ATP8B4: variants seen among roughly 807,000 people sequenced by gnomAD.
ATP8B4 encodes probable phospholipid-transporting ATPase IM.
A neutral mutation model predicts 145.6 loss-of-function variants in ATP8B4; 133 were observed. The observed-to-expected ratio is 0.91, with a 90% CI of 0.79 to 1.05. The LOEUF (loss-of-function observed/expected upper bound fraction) is 1.05, where lower values mean the gene tolerates loss of function less well. ATP8B4 is among the 50% of genes least tolerant of loss of function. ATP8B4 has a pLI of 0.00. For synonymous variants in ATP8B4, 507 were observed against 492.9 expected (o/e 1.03, Z -0.38); for missense variants, 1,458 against 1,425.2 (o/e 1.02, Z -0.37).
chr15:49,952,799 C>A (rs1008702327), intron 14 of ATP8B4, among the ~76,000 whole-genome samples: 1 of 152,146 alleles, frequency 6.6e-6, no homozygotes, highest in Non-Finnish European at 1.5e-5. Context: ...GGGTTTTCAG[C>A]ACTTTTTTTT....
chr15:49,933,890 A>G, intron 15 of ATP8B4, 127 bp downstream of exon 15: 2 of 1,063,250 alleles, frequency 1.9e-6, no homozygotes, highest in Non-Finnish European at 2.5e-6. Flanking sequence ...TCTGTGTTAA[A>G]AAACAAAAAC....
chr15:50,087,991 A>G (rs921139765), intron 2 of ATP8B4, among the ~76,000 whole-genome samples: 8 of 152,154 alleles, frequency 5.3e-5, no homozygotes, highest in African/African-American at 1.9e-4. Flanking sequence ...GTATTTTTCA[A>G]ATTTTCAAAA....
intron 1 of ATP8B4, among the ~76,000 whole-genome samples, chr15:50,158,627 G>C (rs1374794068): frequency 1.3e-5 from 2 of 152,280 alleles, no homozygotes; most frequent in African/African-American, 4.8e-5. Context: ...ATTGAGAATG[G>C]GCCATGATGA....
At chr15:50,077,570 T>C (rs1207062927) in intron 2 of ATP8B4, among the ~76,000 whole-genome samples, 1 of 152,230 alleles carries the variant, frequency 6.6e-6, no homozygotes, top group Non-Finnish European at 1.5e-5. Context: ...GAGTATGTTA[T>C]GGACAGGGTG....
At chr15:49,896,361 AG>A (rs894390258) in intron 23 of ATP8B4, 1 of 152,260 alleles carries the variant, frequency 6.6e-6, no homozygotes, top group Non-Finnish European at 1.5e-5. Flanking sequence ...CATTGTAAAA[AG>A]GAATTCACTA....
chr15:49,972,753 T>C lies in ATP8B4; in HGVS notation c.1072A>G (p.Asn358Asp). 1 of 1,614,006 alleles carries C rather than the reference T, an allele frequency of 6.2e-7. No homozygotes were observed. ...GAATAATACATCTTCCGGTCCCAGTTTATAAAATAACTGTGTCCTAGACGA... is the reference window on the plus strand; with the variant it reads ...GAATAATACATCTTCCGGTCCCAGTCTATAAAATAACTGTGTCCTAGACGA... ...VIRLGHSYFINWDRKMYYSRK... is the reference protein window; with the variant it reads ...VIRLGHSYFIDWDRKMYYSRK... Residue 358 changes from asparagine (N) to aspartate (D), a missense_variant, in exon 13 of 28, where the codon AAC becomes GAC. By Grantham distance (23) the Asn-to-Asp change is conservative. Transcript: ENST00000284509.
intron 1 of ATP8B4, among the ~76,000 whole-genome samples, chr15:50,116,935 C>T (rs969137538): frequency 6.6e-6 from 1 of 152,060 alleles, no homozygotes; most frequent in African/African-American, 2.4e-5. Flanking sequence ...TAGGAGGTTA[C>T]TATTTTTTAA....
chr15:49,944,860 T>C (rs971208931), intron 14 of ATP8B4, among the ~76,000 whole-genome samples: 2 of 152,166 alleles, frequency 1.3e-5, no homozygotes, highest in Non-Finnish European at 2.9e-5. Context: ...TTATGTCAAA[T>C]ATATTTTCTG....
rs2044366095 is a variant in ATP8B4 at position 50,153,001 on chromosome 15, T to G, written c.-43+29260A>C. On this transcript the variant is annotated intron_variant, in intron 1 of 3. Transcript: ENST00000558829. Reference sequence around the variant, plus strand: ...TGATGAAAAGGACATTGCATTTAATTACACACAGAAAGAATGTGTCCAAAG... The same window carrying G: ...TGATGAAAAGGACATTGCATTTAATGACACACAGAAAGAATGTGTCCAAAG... Among the ~76,000 whole-genome samples, 3 of 152,212 alleles carry G rather than the reference T, an allele frequency of 2.0e-5. No homozygotes were observed. The South Asian group carries it at 6.2e-4, about 32-fold the overall frequency.
intron 12 of ATP8B4, among the ~76,000 whole-genome samples, chr15:49,974,561 G>A (rs2045504192): frequency 6.6e-6 from 1 of 151,930 alleles, no homozygotes; most frequent in African/African-American, 2.4e-5. Context: ...TTTTCAATAT[G>A]AGTTTTCTCT....
rs2031049773 is a variant in ATP8B4, at chr15:49,858,336, TGAAAAC to T, written c.*1852_*1857del. On this transcript the variant is annotated 3_prime_UTR_variant, in exon 28 of 28. Transcript: ENST00000284509. ...GTGAAACTAATGACAAATTAGACAT[TGAAAAC>T]CAACATCTGGTTAAGTGTAGGCAGG... 6.6e-6 allele frequency: 1 copy of T among 152,220 alleles called. No homozygotes were observed. Among genetic ancestry groups the T allele is most frequent in the Non-Finnish European group, 1.5e-5 (1 of 68,032 alleles). The allele number at this position is 152,220 out of a possible 1,614,324, so 9.4% of individuals were successfully genotyped here. A position where few individuals can be genotyped will look rare whatever the true frequency, so the allele number is the denominator to read the frequency against.
intron 2 of ATP8B4, among the ~76,000 whole-genome samples, chr15:50,093,292 T>G (rs563283295): frequency 1.3e-4 from 20 of 152,124 alleles, no homozygotes; most frequent in African/African-American, 4.8e-4. Context: ...TCTGCACAAA[T>G]AATTACTGTA....
chr15:50,038,651 A>G lies in ATP8B4; in HGVS notation c.362+117T>C, dbSNP rs1175356343. 3 of 765,928 alleles carry G rather than the reference A, an allele frequency of 3.9e-6. No individual in the cohort carries two copies. In the East Asian group the frequency reaches 8.4e-5, roughly 21 times the overall value. The allele number at this position is 765,928 out of a possible 1,614,324, so 47.4% of individuals were successfully genotyped here. A position where few individuals can be genotyped will look rare whatever the true frequency, so the allele number is the denominator to read the frequency against. ...AAATGGAATTAAAGTTCAATTTTTA[A>G]TAAATTAAAGGGAAAAAAGAATCAT... On this transcript the variant is annotated intron_variant, in intron 6 of 27. Coordinates refer to ENST00000284509, the MANE Select transcript of ATP8B4 (RefSeq NM_024837.4).
In ATP8B4 at chr15:49,866,353, T is replaced by C. The variant is rs751706905; in HGVS notation, c.3159A>G (p.Pro1053=). 1.2e-5 allele frequency: 20 copies of C among 1,613,670 alleles called. No individual in the cohort carries two copies. The Admixed American group carries it at 2.8e-4, about 23-fold the overall frequency. Residue 1053 remains proline (P), a synonymous_variant, in exon 26 of 28, where the codon CCA becomes CCG. Coordinates refer to ENST00000284509, the MANE Select transcript of ATP8B4 (RefSeq NM_024837.4). ...TCAACATGACTCACTTACCAACAAA[T>C]GGAAACTGGTTTGGGAAGATGCCAA... The part of the protein sequence containing the change: ...GIFGIFPNQF[P]FVGNARHSLT...
At chr15:50,006,037 T>C (rs1003499072) in intron 7 of ATP8B4, among the ~76,000 whole-genome samples, 2 of 152,042 alleles carry the variant, frequency 1.3e-5, no homozygotes, top group Non-Finnish European at 2.9e-5. Context: ...ATGCATTGAG[T>C]CAAAAAATGA....
chr15:49,918,794 A>G (rs1231668430), intron 19 of ATP8B4, 45 bp downstream of exon 19: 14 of 1,404,262 alleles, frequency 1.0e-5, no homozygotes, highest in African/African-American at 2.8e-5. Flanking sequence ...GATATAAGTC[A>G]TCTCCCCATT....
intron 8 of ATP8B4, among the ~76,000 whole-genome samples, chr15:49,998,937 C>G (rs1202281732): frequency 6.6e-6 from 1 of 152,086 alleles, no homozygotes; most frequent in Non-Finnish European, 1.5e-5. Context: ...GGAAGGGATC[C>G]AGTTTCAGCT....
intron 1 of ATP8B4, among the ~76,000 whole-genome samples, chr15:50,158,518 CG>C (rs2044465191): frequency 7.0e-6 from 1 of 143,530 alleles, no homozygotes; most frequent in South Asian, 2.3e-4. Context: ...CCGCCCAGTC[CG>C]GGAGGTGGGG....
intron 3 of ATP8B4, among the ~76,000 whole-genome samples, chr15:50,061,465 G>A (rs190173336): frequency 6.6e-6 from 1 of 152,244 alleles, no homozygotes. Context: ...CAGGAATTTA[G>A]TAATAACTAT....
Sources: gnomAD v4.1 joint callset for allele counts (sites outside exome capture counted in the v4.1 genomes callset) on GRCh38, gnomAD v4.1.1 for gene constraint, MANE v1.5 for transcripts, NCBI Gene and HGNC (gene_info 2026-07-23, HGNC 2026-07-21) for gene names.